The following DCLK1 variants were observed in gnomAD, a reference collection of about 807,000 sequenced individuals.
DCLK1 encodes doublecortin like kinase 1.
In DCLK1, 16 loss-of-function variants were observed where a neutral mutation model predicts 86.2. That is an observed-to-expected ratio of 0.19 (90% CI 0.13 to 0.28). The LOEUF (loss-of-function observed/expected upper bound fraction) is 0.28. DCLK1 is among the 10% of genes least tolerant of loss of function. The probability of loss-of-function intolerance (pLI) is 1.00; values close to 1 mark genes in which losing one functional copy is unlikely to be tolerated. For missense variants in DCLK1, 590 were observed against 940.2 expected (o/e 0.63, Z 4.87); for synonymous variants, 369 against 370.5 (o/e 1.00, Z 0.05).
chr13:35,867,890 A>AGG, intron 5 of DCLK1, among the ~76,000 whole-genome samples: 1 of 134,702 alleles, frequency 7.4e-6, no homozygotes, highest in Non-Finnish European at 1.6e-5. Flanking sequence ...AGAGAGAGAG[A>AGG]GAAAGAGAGA....
At chr13:35,937,984 C>T (rs543584513) in intron 4 of DCLK1, among the ~76,000 whole-genome samples, 1 of 151,930 alleles carries the variant, frequency 6.6e-6, no homozygotes, top group Non-Finnish European at 1.5e-5. Context: ...TAGGGTAAAA[C>T]AAAAAATCCA....
intron 8 of DCLK1, among the ~76,000 whole-genome samples, chr13:35,829,822 T>C (rs1339792779): frequency 3.3e-5 from 5 of 152,174 alleles, no homozygotes; most frequent in Non-Finnish European, 7.3e-5. Context: ...CCTGCAGATA[T>C]GCGGCTGTCC....
rs531444743 is a variant in DCLK1, at chr13:35,930,329, C to A, written c.823+17029G>T. Among the ~76,000 whole-genome samples the A allele has an allele frequency of 1.5e-4, 23 of 152,326 alleles. No homozygotes were observed. In the South Asian group the frequency reaches 4.8e-3, roughly 32 times the overall value. On this transcript the variant is annotated intron_variant, in intron 4 of 16. Coordinates refer to ENST00000360631, the MANE Select transcript of DCLK1 (RefSeq NM_001330071.2). Reference sequence around the variant, plus strand: ...AACATAAGTTCCTATGCCCTGTGGACCCACACTGAAAGGAAAGTCCTGAAG... The same window carrying A: ...AACATAAGTTCCTATGCCCTGTGGAACCACACTGAAAGGAAAGTCCTGAAG...
intron 6 of DCLK1, among the ~76,000 whole-genome samples, chr13:35,854,190 C>A (rs538428806): frequency 6.6e-6 from 1 of 152,290 alleles, no homozygotes; most frequent in East Asian, 1.9e-4. Context: ...TAATCAAACT[C>A]ATCACAACTA....
At chr13:35,888,285 A>AT (rs1873417543) in intron 4 of DCLK1, among the ~76,000 whole-genome samples, 1 of 152,154 alleles carries the variant, frequency 6.6e-6, no homozygotes, top group Non-Finnish European at 1.5e-5. Flanking sequence ...CAATTTATCT[A>AT]TTTTCCCTCC....
intron 3 of DCLK1, among the ~76,000 whole-genome samples, chr13:36,049,403 G>A (rs1411093023): frequency 6.6e-6 from 1 of 152,032 alleles, no homozygotes; most frequent in African/African-American, 2.4e-5. Context: ...AATGCACTGT[G>A]GCAATCTGGT....
At chr13:35,782,433 T>A (rs2086544496) in intron 16 of DCLK1, among the ~76,000 whole-genome samples, 1 of 152,210 alleles carries the variant, frequency 6.6e-6, no homozygotes, top group South Asian at 2.1e-4. Flanking sequence ...AAGCACAGTC[T>A]GCCTTAAGAA....
intron 4 of DCLK1, among the ~76,000 whole-genome samples, chr13:35,895,086 G>A (rs1873874888): frequency 6.6e-6 from 1 of 152,100 alleles, no homozygotes; most frequent in African/African-American, 2.4e-5. Flanking sequence ...GACTATAAGT[G>A]TGCAGCACCA....
intron 11 of DCLK1, among the ~76,000 whole-genome samples, chr13:35,822,203 T>C (rs1229698454): frequency 6.6e-6 from 1 of 151,962 alleles, no homozygotes; most frequent in African/African-American, 2.4e-5. Context: ...CAGACTGGAG[T>C]GCAGTAGTGT....
At chr13:36,085,383 C>T (rs1268430018) in intron 3 of DCLK1, among the ~76,000 whole-genome samples, 1 of 151,802 alleles carries the variant, frequency 6.6e-6, no homozygotes, top group Non-Finnish European at 1.5e-5. Flanking sequence ...GTATATAATC[C>T]AAAGGTTGGG....
chr13:35,808,087 A>T (rs2153102426), intron 14 of DCLK1, 137 bp downstream of exon 14: 1 of 811,314 alleles, frequency 1.2e-6, no homozygotes, highest in Non-Finnish European at 2.0e-6. Context: ...AATCTTGGAA[A>T]ACCTAGCAAT....
At chr13:36,001,366 A>G (rs1421004521) in intron 3 of DCLK1, among the ~76,000 whole-genome samples, 2 of 152,194 alleles carry the variant, frequency 1.3e-5, no homozygotes, top group African/African-American at 2.4e-5. Flanking sequence ...TCAAAGTAAT[A>G]AAGTTTAATG....
rs573343017 is a variant in DCLK1, at chr13:35,803,891, T to C, written c.1944+1808A>G. Among the ~76,000 whole-genome samples the C allele has an allele frequency of 5.3e-5, 8 of 152,278 alleles. No homozygotes were observed. The South Asian group carries it at 1.5e-3, about 28-fold the overall frequency. ...TTCTCCACCTCTATGACCACGTCCA[T>C]ATATATATTCAAGCCTATATCTGTC... On this transcript the variant is annotated intron_variant, in intron 15 of 16. Transcript: ENST00000360631.
chr13:35,945,493 C>G (rs1375727895), intron 4 of DCLK1, among the ~76,000 whole-genome samples: 2 of 152,156 alleles, frequency 1.3e-5, no homozygotes, highest in Non-Finnish European at 2.9e-5. Context: ...GTGGCCAACT[C>G]TGCTTGCTGG....
rs1193243458 is a variant in DCLK1 at position 35,808,294 on chromosome 13, A to G, written c.1793T>C (p.Phe598Ser). 1 of 1,614,102 alleles carries G rather than the reference A, an allele frequency of 6.2e-7. No individual in the cohort carries two copies. The highest frequency in any genetic ancestry group is 1.1e-5 in the South Asian group (1 of 91,078). Residue 598 changes from phenylalanine to serine, a missense_variant, in exon 14 of 17, where the codon TTT becomes TCT. Phe to Ser is a radical substitution (Grantham distance 155, BLOSUM62 -2). Transcript: ENST00000360631. ...RGSGDDQEVL[F>S]DQILMGQVDF... ...CACCTGCCCCATCAAAATCTGATCAAAAAGCACCTCCTGGTCATCACCACT... is the reference window on the plus strand; with the variant it reads ...CACCTGCCCCATCAAAATCTGATCAGAAAGCACCTCCTGGTCATCACCACT...
intron 6 of DCLK1, among the ~76,000 whole-genome samples, chr13:35,840,492 T>TA (rs1358744254): frequency 6.6e-6 from 1 of 152,162 alleles, no homozygotes; most frequent in Admixed American, 6.5e-5. Flanking sequence ...GGATGAAAGT[T>TA]AAAGTAATAG....
intron 4 of DCLK1, among the ~76,000 whole-genome samples, chr13:35,887,079 A>C (rs7990263): frequency 0.55 from 83,003 of 152,052 alleles, 23,945 homozygotes; most frequent in Non-Finnish European, 0.66. Flanking sequence ...TGCGTTGCTT[A>C]TATTTTTGGC....
At chr13:35,806,867 C>T (rs561697395) in intron 14 of DCLK1, among the ~76,000 whole-genome samples, 2 of 152,310 alleles carry the variant, frequency 1.3e-5, no homozygotes, top group East Asian at 3.9e-4. Context: ...TTCTCTGACA[C>T]TCCCTTTCTG....
intron 15 of DCLK1, among the ~76,000 whole-genome samples, chr13:35,796,728 T>A (rs1415207482): frequency 1.3e-5 from 2 of 152,182 alleles, no homozygotes; most frequent in African/African-American, 4.8e-5. Flanking sequence ...CTGTTCTTTT[T>A]CCCACACCAG....
Sources: gnomAD v4.1 joint callset for allele counts (sites outside exome capture counted in the v4.1 genomes callset) on GRCh38, gnomAD v4.1.1 for gene constraint, MANE v1.5 for transcripts, NCBI Gene and HGNC (gene_info 2026-07-23, HGNC 2026-07-21) for gene names.